EYS: variants seen among roughly 807,000 people sequenced by gnomAD.
EYS encodes the protein EGF-like photoreceptor maintenance factor.
EYS carries 250 observed loss-of-function variants against 282.1 expected under a neutral mutation model. The observed-to-expected ratio is 0.89, with a 90% CI of 0.80 to 0.98. The LOEUF (loss-of-function observed/expected upper bound fraction) is 0.98, where lower values mean the gene tolerates loss of function less well. Ranked by LOEUF, EYS falls within the 50% of genes least tolerant of loss-of-function variation. EYS has a pLI of 0.00. For synonymous variants in EYS, 1,355 were observed against 1,282.9 expected (o/e 1.06, Z -1.20); for missense variants, 4,016 against 3,709.0 (o/e 1.08, Z -2.15).
At chr6:65,451,643 C>T (rs1237364239) in intron 5 of EYS, among the ~76,000 whole-genome samples, 1 of 152,004 alleles carries the variant, frequency 6.6e-6, no homozygotes, top group East Asian at 1.9e-4. Context: ...AAAGAGTTTG[C>T]TCAAATACAA....
chr6:64,539,345 C>A (rs549596066), intron 26 of EYS, among the ~76,000 whole-genome samples: 3 of 152,168 alleles, frequency 2.0e-5, no homozygotes, highest in African/African-American at 7.2e-5. Context: ...GTAGGAGGAT[C>A]GCTTGAGAAC....
chr6:64,721,700 A>C (rs1178422682), intron 22 of EYS, among the ~76,000 whole-genome samples: 2 of 152,176 alleles, frequency 1.3e-5, no homozygotes, highest in Admixed American at 6.5e-5. Flanking sequence ...ATAAGCCCAA[A>C]AGAGAACTTT....
At chr6:64,934,360 T>C (rs1768831470) in intron 15 of EYS, among the ~76,000 whole-genome samples, 1 of 151,798 alleles carries the variant, frequency 6.6e-6, no homozygotes, top group Non-Finnish European at 1.5e-5. Flanking sequence ...GAAAAATTAA[T>C]GGCCAAAACT....
At chr6:65,291,190 A>T (rs1032258119) in intron 12 of EYS, among the ~76,000 whole-genome samples, 2 of 151,612 alleles carry the variant, frequency 1.3e-5, no homozygotes, top group Non-Finnish European at 3.0e-5. Flanking sequence ...AAAATTTCAC[A>T]TTGTAAGCAC....
chr6:64,355,663 T>C (rs1330987662), intron 29 of EYS, among the ~76,000 whole-genome samples: 1 of 151,662 alleles, frequency 6.6e-6, no homozygotes, highest in Non-Finnish European at 1.5e-5. Context: ...TGCTAACTTA[T>C]TGTTTTGGAC....
rs186348321 is a variant in EYS, at chr6:64,665,130, C to T, written c.3444-38885G>A. 5.0e-3 allele frequency among the ~76,000 whole-genome samples: 762 copies of T among 152,168 alleles called. 2 individuals carry two copies. Among genetic ancestry groups the T allele is most frequent in the Middle Eastern group, 0.014 (4 of 294 alleles). ...ACTTTGAAAGTTTTCATAAATGAAA[C>T]GCTTGTTTTCCGAAACTTTGTCCAC... On this transcript the variant is annotated intron_variant, in intron 22 of 42. Coordinates refer to ENST00000503581, the MANE Select transcript of EYS (RefSeq NM_001142800.2).
At chr6:64,536,627 A>G (rs1199866811) in intron 26 of EYS, among the ~76,000 whole-genome samples, 4 of 152,064 alleles carry the variant, frequency 2.6e-5, no homozygotes, top group Admixed American at 6.5e-5. Flanking sequence ...TGGGTAATGC[A>G]TAGGGCTACA....
chr6:64,492,890 T>A (rs918931732), intron 26 of EYS, among the ~76,000 whole-genome samples: 1 of 151,350 alleles, frequency 6.6e-6, no homozygotes, highest in Admixed American at 6.6e-5. Context: ...TTAAGCACAG[T>A]TCTAGAGGCT....
At chr6:65,513,904 C>T (rs1178327109) in intron 2 of EYS, among the ~76,000 whole-genome samples, 3 of 152,186 alleles carry the variant, frequency 2.0e-5, no homozygotes, top group Non-Finnish European at 4.4e-5. Flanking sequence ...CCTCTCTCAC[C>T]ACTCCTATTC....
At chr6:63,929,588 T>C (rs563631753) in intron 35 of EYS, among the ~76,000 whole-genome samples, 2 of 152,350 alleles carry the variant, frequency 1.3e-5, no homozygotes, top group South Asian at 2.1e-4. Flanking sequence ...ACTGCACTTG[T>C]ATGATGCTCT....
intron 10 of EYS, among the ~76,000 whole-genome samples, chr6:65,343,369 C>A (rs753905150): frequency 6.6e-6 from 1 of 151,284 alleles, no homozygotes; most frequent in Non-Finnish European, 1.5e-5. Context: ...GTTACAAATA[C>A]TTTGTTAATT....
At chr6:64,659,769 A>G (rs1451203088) in intron 22 of EYS, among the ~76,000 whole-genome samples, 1 of 152,140 alleles carries the variant, frequency 6.6e-6, no homozygotes, top group Non-Finnish European at 1.5e-5. Context: ...AAAAAAGTGC[A>G]GGACCAGATG....
At chr6:63,880,487 G>GTATTTATCTATCTATC (rs1554184438) in intron 35 of EYS, among the ~76,000 whole-genome samples, 2 of 142,780 alleles carry the variant, frequency 1.4e-5, no homozygotes, top group South Asian at 4.7e-4. Context: ...CTGTCTGTCT[G>GTATTTATCTATCTATC]TATCTATCTA....
chr6:64,626,038 T>G (rs999022282), intron 23 of EYS, 83 bp downstream of exon 23: 1 of 798,476 alleles, frequency 1.3e-6, no homozygotes, highest in Non-Finnish European at 1.9e-6. Context: ...CAAAATTGTA[T>G]TATACATACA....
At chr6:63,837,923 G>T (rs931905572) in intron 36 of EYS, among the ~76,000 whole-genome samples, 3 of 152,126 alleles carry the variant, frequency 2.0e-5, no homozygotes, top group African/African-American at 7.2e-5. Flanking sequence ...GAAGGCACAT[G>T]AATTTTGAGT....
At chr6:64,737,578 A>G (rs576661466) in intron 22 of EYS, among the ~76,000 whole-genome samples, 15 of 152,332 alleles carry the variant, frequency 9.8e-5, no homozygotes, top group Middle Eastern at 3.4e-3. Context: ...TGCTGTCACC[A>G]TCTTGAAATT....
At chr6:64,181,593 T>C (rs1269165395) in intron 31 of EYS, among the ~76,000 whole-genome samples, 2 of 152,204 alleles carry the variant, frequency 1.3e-5, no homozygotes, top group Non-Finnish European at 2.9e-5. Flanking sequence ...AAGAGACACA[T>C]TGAATTTTCA....
chr6:63,862,919 C>T (rs190302647), intron 36 of EYS, among the ~76,000 whole-genome samples: 1 of 152,340 alleles, frequency 6.6e-6, no homozygotes, highest in African/African-American at 2.4e-5. Flanking sequence ...AATTCATTGT[C>T]TCAATTCCTT....
chr6:63,927,959 C>T (rs547454990), intron 35 of EYS, among the ~76,000 whole-genome samples: 1 of 152,176 alleles, frequency 6.6e-6, no homozygotes, highest in Non-Finnish European at 1.5e-5. Flanking sequence ...CTTCTCTACT[C>T]TAGATTGAAG....
Sources: allele counts gnomAD v4.1 joint callset (sites outside exome capture counted in the v4.1 genomes callset), GRCh38; gene constraint gnomAD v4.1.1; transcripts MANE v1.5; gene names NCBI Gene and HGNC (gene_info 2026-07-23, HGNC 2026-07-21).